The following TEX14 variants were observed in gnomAD, a reference collection of about 807,000 sequenced individuals.
TEX14 encodes the protein inactive serine/threonine-protein kinase TEX14.
In TEX14, 168 loss-of-function variants were observed where a neutral mutation model predicts 178.6. That is an observed-to-expected ratio of 0.94 (90% CI 0.83 to 1.07). TEX14 has a LOEUF of 1.07. Ranked by LOEUF, TEX14 falls within the 50% of genes least tolerant of loss-of-function variation. The pLI, the probability that TEX14 is intolerant of heterozygous loss-of-function variation, is 0.00. For synonymous variants in TEX14, 626 were observed against 634.1 expected (o/e 0.99, Z 0.19); for missense variants, 1,730 against 1,753.6 (o/e 0.99, Z 0.24).
intron 2 of TEX14, among the ~76,000 whole-genome samples, chr17:58,634,115 T>C (rs1287248286): frequency 6.6e-6 from 1 of 151,646 alleles, no homozygotes; most frequent in Non-Finnish European, 1.5e-5. Context: ...CTGAGACATC[T>C]AGTAAGAAGA....
intron 2 of TEX14, among the ~76,000 whole-genome samples, chr17:58,642,350 T>C (rs932002914): frequency 2.0e-5 from 3 of 152,216 alleles, no homozygotes; most frequent in African/African-American, 7.2e-5. Flanking sequence ...TAGCAGTCAG[T>C]CTTATTCAAC....
chr17:58,628,711 C>T (rs1381466497), intron 3 of TEX14, among the ~76,000 whole-genome samples: 7 of 135,568 alleles, frequency 5.2e-5, no homozygotes, highest in Non-Finnish European at 1.1e-4. Context: ...GACTCTGTCT[C>T]AAAAAAAAAA....
chr17:58,639,767 T>G (rs185701856), intron 2 of TEX14, among the ~76,000 whole-genome samples: 31 of 152,220 alleles, frequency 2.0e-4, no homozygotes, highest in Admixed American at 1.8e-3. Context: ...CGGTAATTGA[T>G]TAATCTCAGC....
intron 2 of TEX14, among the ~76,000 whole-genome samples, chr17:58,649,281 T>C (rs1157820756): frequency 6.6e-6 from 1 of 151,558 alleles, no homozygotes; most frequent in African/African-American, 2.4e-5. Context: ...GGTTTCACCA[T>C]GTTGGCCAGG....
chr17:58,688,174 A>G (rs2047633820), intron 1 of TEX14, among the ~76,000 whole-genome samples: 1 of 151,892 alleles, frequency 6.6e-6, no homozygotes, highest in South Asian at 2.1e-4. Flanking sequence ...AGGCTGGAGT[A>G]CAGTGTCATA....
intron 21 of TEX14, among the ~76,000 whole-genome samples, chr17:58,574,830 C>T (rs144779329): frequency 7.0e-4 from 106 of 152,062 alleles, no homozygotes; most frequent in East Asian, 4.8e-3. Flanking sequence ...AGACTCTATA[C>T]GACTGTGAGC....
intron 23 of TEX14, 111 bp from the exon 24 acceptor site, chr17:58,572,237 A>G (rs1036459917): frequency 3.0e-6 from 2 of 666,860 alleles, no homozygotes; most frequent in African/African-American, 1.9e-5. Flanking sequence ...TGCAGAAATG[A>G]ATCTTTTACA....
intron 1 of TEX14, among the ~76,000 whole-genome samples, chr17:58,656,830 CAAG>C (rs926428157): frequency 1.5e-5 from 2 of 132,782 alleles, no homozygotes; most frequent in Non-Finnish European, 1.5e-5. Context: ...GGCTGAGGCA[CAAG>C]AATCACTTGA....
At position 58,571,908 on chromosome 17, in the gene TEX14, T is replaced by C. The variant is rs201508314; in HGVS notation, c.3717+13A>G. 1.4e-5 allele frequency: 23 copies of C among 1,611,234 alleles called. No homozygotes were observed. Among genetic ancestry groups the C allele is most frequent in the Non-Finnish European group, 1.9e-5 (22 of 1,178,110 alleles). ...GACTCCATGAGTTTGTAACGTGGAATTGATATACTTACAAGACCAGTCAGT... is the reference window on the plus strand; with the variant it reads ...GACTCCATGAGTTTGTAACGTGGAACTGATATACTTACAAGACCAGTCAGT... On this transcript the variant is annotated intron_variant, in intron 24 of 31. Transcript: ENST00000349033.
At chr17:58,582,217 C>A (rs2044838747) in intron 19 of TEX14, among the ~76,000 whole-genome samples, 1 of 152,108 alleles carries the variant, frequency 6.6e-6, no homozygotes, top group African/African-American at 2.4e-5. Flanking sequence ...GCAATGTAGT[C>A]TCAATAATAA....
intron 14 of TEX14, among the ~76,000 whole-genome samples, chr17:58,596,162 GA>G (rs1231097944): frequency 1.3e-5 from 2 of 151,960 alleles, no homozygotes; most frequent in African/African-American, 4.8e-5. Flanking sequence ...CACCCTGGGT[GA>G]CAGAGCAAGA....
chr17:58,616,438 C>CTT (rs11454189), intron 6 of TEX14, 133 bp from the exon 7 acceptor site: 24,796 of 795,986 alleles, frequency 0.031, 40 homozygotes, highest in African/African-American at 0.044. Context: ...TGCACTGGGC[C>CTT]TTTTTTTTTT....
intron 2 of TEX14, 94 bp downstream of exon 2, chr17:58,651,772 G>A: frequency 8.6e-7 from 1 of 1,169,080 alleles, no homozygotes; most frequent in Non-Finnish European, 1.2e-6. Context: ...ATTTCCCCAA[G>A]GACTCATTCA....
chr17:58,641,236 C>T (rs2046566798), intron 2 of TEX14, among the ~76,000 whole-genome samples: 2 of 151,818 alleles, frequency 1.3e-5, no homozygotes, highest in African/African-American at 4.8e-5. Context: ...TATGGAGAAA[C>T]CCCGTCTCTA....
chr17:58,654,382 C>T (rs1311699959), intron 1 of TEX14, among the ~76,000 whole-genome samples: 1 of 151,792 alleles, frequency 6.6e-6, no homozygotes, highest in African/African-American at 2.4e-5. Flanking sequence ...TTTCCAGACC[C>T]TAGATCCTAG....
chr17:58,587,900 T>TA lies in TEX14; in HGVS notation c.2697dup (p.Thr900TyrfsTer11), dbSNP rs1273780988. On this transcript the variant is annotated frameshift_variant, in exon 16 of 32. Coordinates refer to ENST00000349033, the MANE Select transcript of TEX14 (RefSeq NM_031272.5). LOFTEE classifies it high-confidence loss of function. ...CCAGCCCACAAGGATCCTTACCTGG[T>TA]AGAGTCCCAGTGACAGCTGGGTGAT... 1.3e-6 allele frequency: 2 copies of TA among 1,498,018 alleles called. No individual in the cohort carries two copies. The highest frequency in any genetic ancestry group is 1.8e-6 in the Non-Finnish European group (2 of 1,105,156). 92.8% of individuals were successfully genotyped at this position (1,498,018 alleles called of 1,614,324 possible).
intron 3 of TEX14, among the ~76,000 whole-genome samples, chr17:58,629,834 GAAAA>G (rs1338139712): frequency 1.5e-5 from 2 of 131,518 alleles, no homozygotes; most frequent in East Asian, 2.3e-4. Flanking sequence ...GACTCCGTCT[GAAAA>G]AAAAAAAAAA....
intron 1 of TEX14, among the ~76,000 whole-genome samples, chr17:58,666,295 C>G: frequency 6.6e-6 from 1 of 151,830 alleles, no homozygotes; most frequent in Non-Finnish European, 1.5e-5. Flanking sequence ...CTGCGGTGAG[C>G]CGAGATTGCT....
intron 26 of TEX14, among the ~76,000 whole-genome samples, chr17:58,566,142 G>T (rs953900821): frequency 1.3e-4 from 20 of 152,170 alleles, no homozygotes; most frequent in Non-Finnish European, 1.6e-4. Flanking sequence ...ACTCAAAATA[G>T]AAATGATGAT....
Sources: gnomAD v4.1 joint callset for allele counts (sites outside exome capture counted in the v4.1 genomes callset) on GRCh38, gnomAD v4.1.1 for gene constraint, MANE v1.5 for transcripts, NCBI Gene and HGNC (gene_info 2026-07-23, HGNC 2026-07-21) for gene names.